Variants in AFF2 observed in about 807,000 individuals in gnomAD.
AFF2 encodes ALF transcription elongation factor 2.
Under a neutral mutation model 76.9 loss-of-function variants are expected in AFF2, and 14 were observed. The observed-to-expected ratio is 0.18, with a 90% CI of 0.12 to 0.28. The LOEUF (loss-of-function observed/expected upper bound fraction) is 0.28, where lower values mean the gene tolerates loss of function less well. AFF2 is among the 10% of genes least tolerant of loss of function. The pLI is 1.00. For synonymous variants in AFF2, 398 were observed against 366.7 expected (o/e 1.09, Z -0.98); for missense variants, 868 against 1,001.1 (o/e 0.87, Z 1.79).
intron 1 of AFF2, among the ~76,000 whole-genome samples, chrX:148,533,052 C>T (rs782165585): frequency 3.6e-4 from 40 of 111,701 alleles, no homozygotes; most frequent in Non-Finnish European, 6.2e-4. Context: ...TTTGCAGTCA[C>T]GCTCTATCAC....
At chrX:148,648,159 C>T (rs1287180873) in intron 1 of AFF2, among the ~76,000 whole-genome samples, 1 of 111,876 alleles carries the variant, frequency 8.9e-6, no homozygotes, top group Admixed American at 9.5e-5. Flanking sequence ...TGAGACAGCT[C>T]CCTCTGTTCA....
chrX:148,859,004 A>G (rs180951213), intron 7 of AFF2, among the ~76,000 whole-genome samples: 1 of 107,552 alleles, frequency 9.3e-6, no homozygotes, highest in East Asian at 2.9e-4. Context: ...TGAAAAAACT[A>G]CAATACGCTT....
rs781976246 is a variant in AFF2, at chrX:148,784,754, A to AT, written c.1042-25120dup. Among the ~76,000 whole-genome samples the AT allele has an allele frequency of 1.4e-4, 16 of 112,005 alleles. No individual in the cohort carries two copies. In the South Asian group the frequency reaches 3.4e-3, roughly 24 times the overall value. ...AAATCATGTTGTTCGCTCACTAATT[A>AT]TTCAAATAGTGGGGGCAATTCCACA... On this transcript the variant is annotated intron_variant, in intron 3 of 20. Coordinates refer to ENST00000370460, the MANE Select transcript of AFF2 (RefSeq NM_002025.4).
At chrX:148,935,780 G>A (rs1169917755) in intron 9 of AFF2, among the ~76,000 whole-genome samples, 1 of 111,258 alleles carries the variant, frequency 9.0e-6, no homozygotes, top group South Asian at 3.8e-4. Flanking sequence ...CAAATATCAA[G>A]AAGACTTCTG....
chrX:148,730,975 C>A (rs1186881939), intron 3 of AFF2, among the ~76,000 whole-genome samples: 1 of 111,770 alleles, frequency 8.9e-6, no homozygotes, highest in African/African-American at 3.3e-5. Flanking sequence ...CTGGGCAAGA[C>A]TTTAAAGGCC....
At chrX:148,966,483 C>A (rs2072174162) in intron 13 of AFF2, among the ~76,000 whole-genome samples, 1 of 109,743 alleles carries the variant, frequency 9.1e-6, no homozygotes, top group Non-Finnish European at 1.9e-5. Context: ...TCTTCCTTCC[C>A]TTTCCCCTCA....
intron 1 of AFF2, among the ~76,000 whole-genome samples, chrX:148,501,464 G>A (rs2052349862): frequency 8.8e-6 from 1 of 113,040 alleles, no homozygotes; most frequent in Admixed American, 9.2e-5. Context: ...TTTTCTCTCG[G>A]AGCGGCTTGC....
intron 13 of AFF2, 146 bp from the exon 14 acceptor site, chrX:148,966,644 A>G: frequency 2.8e-6 from 3 of 1,078,992 alleles, no homozygotes; most frequent in Admixed American, 3.1e-5. Flanking sequence ...AGGGTCACCT[A>G]TTTATCCTCA....
At position 148,635,209 on chromosome X, in the gene AFF2, A is replaced by C. The variant is rs781799197; in HGVS notation, c.48-16790A>C. Among the ~76,000 whole-genome samples the C allele has an allele frequency of 4.2e-4, 47 of 111,597 alleles. 1 individual carries two copies. The highest frequency in any genetic ancestry group is 4.1e-4 in the Non-Finnish European group (22 of 53,074). ...GCCTAAAGTAATCATAAGGGCTCTA[A>C]TAAAAGGAAGGCAGAAGGGTCAGAG... On this transcript the variant is annotated intron_variant, in intron 1 of 20. Coordinates refer to ENST00000370460, the MANE Select transcript of AFF2 (RefSeq NM_002025.4).
chrX:148,904,054 G>A (rs2071383584), intron 8 of AFF2, among the ~76,000 whole-genome samples, 167 bp from the exon 9 acceptor site: 2 of 111,852 alleles, frequency 1.8e-5, no homozygotes, highest in South Asian at 7.5e-4. Flanking sequence ...TTTCCCAGGA[G>A]AAGAAAATTG....
chrX:148,981,366 T>A (rs2072389988), intron 19 of AFF2, among the ~76,000 whole-genome samples: 2 of 110,968 alleles, frequency 1.8e-5, no homozygotes, highest in African/African-American at 6.6e-5. Context: ...CAGCTCAGTC[T>A]TAATAGCAGT....
At chrX:148,936,986 G>A (rs782752684) in intron 9 of AFF2, among the ~76,000 whole-genome samples, 10 of 112,340 alleles carry the variant, frequency 8.9e-5, no homozygotes, top group African/African-American at 1.6e-4. Context: ...CAGTAATGCA[G>A]TGCAGGCTCC....
chrX:148,679,364 T>C (rs181283658), intron 3 of AFF2, among the ~76,000 whole-genome samples: 10 of 109,618 alleles, frequency 9.1e-5, no homozygotes, highest in Non-Finnish European at 1.9e-4. Context: ...TCTTCATAAA[T>C]CAAGAGGATA....
At chrX:148,641,210 G>A (rs1036464227) in intron 1 of AFF2, among the ~76,000 whole-genome samples, 19 of 111,298 alleles carry the variant, frequency 1.7e-4, no homozygotes, top group Non-Finnish European at 3.8e-5. Flanking sequence ...ACAAATTAAT[G>A]TATTAATTAA....
intron 9 of AFF2, among the ~76,000 whole-genome samples, chrX:148,911,109 G>A (rs1274755448): frequency 9.1e-6 from 1 of 110,108 alleles, no homozygotes; most frequent in Admixed American, 9.7e-5. Context: ...ATGTGTGTGT[G>A]TGTGTGTTTA....
intron 1 of AFF2, among the ~76,000 whole-genome samples, chrX:148,539,105 G>A (rs1603235635): frequency 8.9e-6 from 1 of 111,799 alleles, no homozygotes; most frequent in South Asian, 3.7e-4. Context: ...GGGTTATAGA[G>A]TTGTAATTTT....
At chrX:148,564,029 G>A (rs1199228067) in intron 1 of AFF2, among the ~76,000 whole-genome samples, 1 of 111,747 alleles carries the variant, frequency 8.9e-6, no homozygotes, top group African/African-American at 3.3e-5. Context: ...AATAAAATAA[G>A]GGCATCTCTG....
chrX:148,743,332 G>A lies in AFF2; in HGVS notation c.1042-66544G>A, dbSNP rs1348740070. On this transcript the variant is annotated intron_variant, in intron 3 of 20. Transcript: ENST00000370460. Reference sequence around the variant, plus strand: ...ATTTTGTGTCCTTCAATTGATGAAAGTGAAGATTTTACAGATCAAAGTTTT... The same window carrying A: ...ATTTTGTGTCCTTCAATTGATGAAAATGAAGATTTTACAGATCAAAGTTTT... Among the ~76,000 whole-genome samples, 3 of 112,152 alleles carry A rather than the reference G, an allele frequency of 2.7e-5. No homozygotes were observed. The East Asian group carries it at 8.3e-4, about 31-fold the overall frequency.
At chrX:148,531,398 A>C (rs2052729007) in intron 1 of AFF2, among the ~76,000 whole-genome samples, 1 of 112,609 alleles carries the variant, frequency 8.9e-6, no homozygotes, top group Non-Finnish European at 1.9e-5. Context: ...TACAGTAGGA[A>C]AACATTCAGC....
Sources: gnomAD v4.1 joint callset for allele counts (sites outside exome capture counted in the v4.1 genomes callset) on GRCh38, gnomAD v4.1.1 for gene constraint, MANE v1.5 for transcripts, NCBI Gene and HGNC (gene_info 2026-07-23, HGNC 2026-07-21) for gene names.